Variants in ZNF571 observed in about 807,000 individuals in gnomAD.
The protein encoded by ZNF571 is zinc finger protein 571.
Under a neutral mutation model 7.7 loss-of-function variants are expected in ZNF571, and 4 were observed. The ratio of observed to expected loss-of-function variants is 0.52; its 90% CI spans 0.25 to 1.18. The LOEUF (loss-of-function observed/expected upper bound fraction) is 1.18, where lower values mean the gene tolerates loss of function less well. ZNF571 is among the 50% of genes most tolerant of loss of function. The probability of loss-of-function intolerance (pLI) is 0.14; values close to 1 mark genes in which losing one functional copy is unlikely to be tolerated. For synonymous variants in ZNF571, 251 were observed against 232.4 expected (o/e 1.08, Z -0.73); for missense variants, 704 against 726.9 (o/e 0.97, Z 0.36).
Position 37,569,277 on chromosome 19 carries a change from A to C in ZNF571, c.137-2986T>G, listed in dbSNP as rs953755608. Among the ~76,000 whole-genome samples, 1 of 152,048 alleles carries C rather than the reference A, an allele frequency of 6.6e-6. No homozygotes were observed. Among genetic ancestry groups the C allele is most frequent in the Admixed American group, 6.6e-5 (1 of 15,252 alleles). On this transcript the variant is annotated intron_variant, in intron 3 of 3. Transcript: ENST00000451802. The surrounding 1 kb of genome is among the most constrained non-coding windows in gnomAD (Gnocchi z 4.4). ...CCCAAAGCATCCGGAACCACAACAA[A>C]AACCTACTCAGTAATGTTATGAGAC...
At chr19:37,584,285 T>C (rs753072721) in intron 2 of ZNF571, 188 bp from the exon 3 acceptor site, 24 of 637,656 alleles carry the variant, frequency 3.8e-5, no homozygotes, top group Admixed American at 6.4e-5. Flanking sequence ...CTCTGTACAA[T>C]AGAACAATTC....
intron 2 of ZNF571, 136 bp downstream of exon 2, chr19:37,586,532 A>G: frequency 3.3e-6 from 3 of 919,106 alleles, no homozygotes; most frequent in Non-Finnish European, 5.2e-6. Context: ...TGCTACTATT[A>G]CTCGCTAGAA....
intron 3 of ZNF571, among the ~76,000 whole-genome samples, chr19:37,571,243 A>G (rs1469466865): frequency 6.6e-6 from 1 of 152,138 alleles, no homozygotes; most frequent in Non-Finnish European, 1.5e-5. Context: ...CATGCCTGTA[A>G]TCCCAGCATG....
rs1836204666 is a variant in ZNF571, at chr19:37,564,364, G to A, written c.*234C>T. 2.8e-6 allele frequency: 1 copy of A among 363,322 alleles called. No homozygotes were observed. Among genetic ancestry groups the A allele is most frequent in the South Asian group, 1.3e-4 (1 of 7,470 alleles). 22.5% of individuals were successfully genotyped at this position (363,322 alleles called of 1,614,324 possible). On this transcript the variant is annotated 3_prime_UTR_variant, in exon 4 of 4. Coordinates refer to ENST00000451802, the MANE Select transcript of ZNF571 (RefSeq NM_016536.5). ...CAAGAAATATATAGGATTTCAGTTAGGATATGGTGAAATGGAGATGATGCT... is the reference window on the plus strand; with the variant it reads ...CAAGAAATATATAGGATTTCAGTTAAGATATGGTGAAATGGAGATGATGCT...
intron 3 of ZNF571, among the ~76,000 whole-genome samples, chr19:37,572,597 G>A (rs1600482904): frequency 6.6e-6 from 1 of 152,184 alleles, no homozygotes; most frequent in Non-Finnish European, 1.5e-5. Flanking sequence ...GCCTTGGAAT[G>A]TATACGCCGC....
intron 1 of ZNF571, among the ~76,000 whole-genome samples, chr19:37,593,125 GTTT>G (rs767668305): frequency 6.8e-6 from 1 of 146,532 alleles, no homozygotes; most frequent in African/African-American, 2.5e-5. Flanking sequence ...CTTATTGTTA[GTTT>G]TTTTTTTTAT....
intron 1 of ZNF571, among the ~76,000 whole-genome samples, chr19:37,593,783 G>A (rs2043936839): frequency 6.6e-6 from 1 of 152,104 alleles, no homozygotes; most frequent in Admixed American, 6.5e-5. Context: ...GGTGTAGTGT[G>A]GCTGGGGAGT....
At chr19:37,572,344 A>G (rs909284027) in intron 3 of ZNF571, among the ~76,000 whole-genome samples, 3 of 152,212 alleles carry the variant, frequency 2.0e-5, no homozygotes, top group Non-Finnish European at 4.4e-5. Context: ...CCAGAAATAA[A>G]CAATTCATAA....
At position 37,586,412 on chromosome 19, in the gene ZNF571, C is replaced by T. The variant is rs903704132; in HGVS notation, c.9+256G>A. On this transcript the variant is annotated intron_variant, in intron 2 of 3. Transcript: ENST00000451802. ...TTAAAAGGAGGTATTTCTGTTCCCT[C>T]AGAGCTCTGGGCAGAAGACTATGCC... 2.5e-5 allele frequency: 13 copies of T among 520,122 alleles called. No homozygotes were observed. The Admixed American group carries it at 2.9e-4, about 11-fold the overall frequency. The allele number at this position is 520,122 out of a possible 1,614,324, so 32.2% of individuals were successfully genotyped here. A position where few individuals can be genotyped will look rare whatever the true frequency, so the allele number is the denominator to read the frequency against.
intron 3 of ZNF571, among the ~76,000 whole-genome samples, chr19:37,571,864 A>G (rs535621607): frequency 1.3e-5 from 2 of 152,346 alleles, no homozygotes; most frequent in South Asian, 4.1e-4. Flanking sequence ...CTAACCTTTA[A>G]AAGTTCAGAA....
Position 37,586,626 on chromosome 19 carries a change from CA to C in ZNF571, c.9+41del, listed in dbSNP as rs1177580804. Reference sequence around the variant, plus strand: ...TAAATCTGGTGTTCACATTACACAACAAAATGATTGTACTTCAAGAAGGAAA... The same window carrying C: ...TAAATCTGGTGTTCACATTACACAACAAATGATTGTACTTCAAGAAGGAAA... On this transcript the variant is annotated intron_variant, in intron 2 of 3. Transcript: ENST00000451802. 6.8e-6 allele frequency: 11 copies of C among 1,612,586 alleles called. No homozygotes were observed. In the African/African-American group the frequency reaches 1.2e-4, roughly 18 times the overall value.
chr19:37,565,988 C>T lies in ZNF571; in HGVS notation c.440G>A (p.Gly147Asp). ...AATAAGGCATGACAGGTAGCTGAAA[C>T]CTTGTCTGCATTCCTTACATTTGTA... ...KLYKCKECRQ[G>D]FSYLSCLIQH... The change falls in exon 4 of 4, where the codon GGT becomes GAT. Residue 147 changes from glycine (G) to aspartate (D), a missense_variant. By Grantham distance (94) the Gly-to-Asp change is moderately conservative. Transcript: ENST00000451802. The T allele has an allele frequency of 1.9e-6, 3 of 1,613,860 alleles. No individual in the cohort carries two copies. The highest frequency in any genetic ancestry group is 2.5e-6 in the Non-Finnish European group (3 of 1,179,802).
chr19:37,564,913 C>T lies in ZNF571; in HGVS notation c.1515G>A (p.Lys505=), dbSNP rs777265668. The T allele has an allele frequency of 1.2e-6, 2 of 1,613,966 alleles. No homozygotes were observed. Among genetic ancestry groups the T allele is most frequent in the Non-Finnish European group, 1.7e-6 (2 of 1,179,938 alleles). Residue 505 remains lysine, a synonymous_variant, in exon 4 of 4, where the codon AAG becomes AAA. Transcript: ENST00000451802. ...CATAAATAAAGGCCTTGTCACATTC[C>T]TTACATTTGTAGGGCTTTTCACCTG... ...IHTGEKPYKC[K]ECDKAFIYGS... is the part of the protein sequence containing the mutation.
intron 1 of ZNF571, among the ~76,000 whole-genome samples, chr19:37,590,684 G>C (rs1771697332): frequency 6.6e-6 from 1 of 152,104 alleles, no homozygotes; most frequent in Non-Finnish European, 1.5e-5. Flanking sequence ...TTAAAAACTG[G>C]TAAATATGTA....
At chr19:37,576,888 G>A (rs2043260875) in intron 3 of ZNF571, among the ~76,000 whole-genome samples, 1 of 151,948 alleles carries the variant, frequency 6.6e-6, no homozygotes, top group Admixed American at 6.6e-5. Flanking sequence ...AAAACACAAA[G>A]GACTTGGCAG....
chr19:37,573,809 C>T (rs927353323), intron 3 of ZNF571, among the ~76,000 whole-genome samples: 29 of 147,802 alleles, frequency 2.0e-4, no homozygotes, highest in Admixed American at 1.7e-3. Context: ...CTCCAGTCTG[C>T]GCAACAGAAC....
chr19:37,574,266 T>C (rs1280773005), intron 3 of ZNF571, among the ~76,000 whole-genome samples: 1 of 152,212 alleles, frequency 6.6e-6, no homozygotes, highest in Non-Finnish European at 1.5e-5. Flanking sequence ...CTTTAAATCA[T>C]GCTTATTGTC....
At chr19:37,593,698 G>A (rs2060721255) in intron 1 of ZNF571, among the ~76,000 whole-genome samples, 3 of 152,110 alleles carry the variant, frequency 2.0e-5, no homozygotes. Flanking sequence ...GCGAGAATCC[G>A]TCTCAAAAAG....
At chr19:37,577,856 A>T (rs1024843060) in intron 3 of ZNF571, among the ~76,000 whole-genome samples, 4 of 152,204 alleles carry the variant, frequency 2.6e-5, no homozygotes, top group Non-Finnish European at 5.9e-5. Context: ...GTCTCTTTTA[A>T]GTGGATCATC....
Sources: allele counts gnomAD v4.1 joint callset (sites outside exome capture counted in the v4.1 genomes callset), GRCh38; gene constraint gnomAD v4.1.1; non-coding constraint Gnocchi (gnomAD v3.1); transcripts MANE v1.5; gene names NCBI Gene and HGNC (gene_info 2026-07-23, HGNC 2026-07-21).